The following MAL2 variants were observed in gnomAD, a reference collection of about 807,000 sequenced individuals.
The protein encoded by MAL2 is mal, T cell differentiation protein 2.
A neutral mutation model predicts 18.1 loss-of-function variants in MAL2; 17 were observed. The observed-to-expected ratio is 0.94, with a 90% CI of 0.64 to 1.41. The LOEUF (loss-of-function observed/expected upper bound fraction) is 1.41, where lower values mean the gene tolerates loss of function less well. MAL2 is among the 40% of genes most tolerant of loss of function. The pLI, the probability that MAL2 is intolerant of heterozygous loss-of-function variation, is 0.00. For synonymous variants in MAL2, 102 were observed against 102.3 expected, an observed-to-expected ratio of 1.00 and a Z score of 0.02; for missense variants, 222 against 231.9, an observed-to-expected ratio of 0.96 and a Z score of 0.28.
chr8:119,234,098 G>GC (rs1265150126), intron 2 of MAL2, among the ~76,000 whole-genome samples: 2 of 152,218 alleles, frequency 1.3e-5, no homozygotes, highest in African/African-American at 4.8e-5. Flanking sequence ...GCCAGTGGGT[G>GC]CGCGCACCGT....
rs543363323 is a variant in MAL2 at position 119,231,788 on chromosome 8, C to T, written c.304-8377C>T. On this transcript the variant is annotated intron_variant, in intron 2 of 3. Coordinates refer to ENST00000614891, the MANE Select transcript of MAL2 (RefSeq NM_052886.3). ...TCCTGTCATTTGCAATATAGATGAA[C>T]ATTGTGTTATGTGAAATAAGCCAGG... Among the ~76,000 whole-genome samples the T allele has an allele frequency of 8.5e-5, 13 of 152,204 alleles. No homozygotes were observed. In the South Asian group the frequency reaches 2.7e-3, roughly 32 times the overall value.
At chr8:119,234,389 C>T (rs1817825144) in intron 2 of MAL2, among the ~76,000 whole-genome samples, 1 of 152,188 alleles carries the variant, frequency 6.6e-6, no homozygotes, top group South Asian at 2.1e-4. Flanking sequence ...GGGAGGGGCG[C>T]CCGCCATTGC....
At chr8:119,221,843 C>T in intron 2 of MAL2, 86 bp downstream of exon 2, 7 of 1,401,086 alleles carry the variant, frequency 5.0e-6, no homozygotes, top group Non-Finnish European at 6.8e-6. Flanking sequence ...AGTCCCAGTT[C>T]TGTTGCCCCT....
At position 119,228,245 on chromosome 8, in the gene MAL2, G is replaced by A. The variant is rs183710280; in HGVS notation, c.303+6488G>A. On this transcript the variant is annotated intron_variant, in intron 2 of 3. Transcript: ENST00000614891. ...TGGACAAAAGAGTCCAAAGTGGCCAGAGAGTAGCCATAGCTTGTAGCTCAA... is the reference window on the plus strand; with the variant it reads ...TGGACAAAAGAGTCCAAAGTGGCCAAAGAGTAGCCATAGCTTGTAGCTCAA... Among the ~76,000 whole-genome samples, 391 of 152,238 alleles carry A rather than the reference G, an allele frequency of 2.6e-3. 6 individuals carry two copies. Among genetic ancestry groups the A allele is most frequent in the Non-Finnish European group, 1.8e-3 (121 of 68,012 alleles).
At chr8:119,226,787 C>T (rs1010084384) in intron 2 of MAL2, among the ~76,000 whole-genome samples, 1 of 152,198 alleles carries the variant, frequency 6.6e-6, no homozygotes, top group Admixed American at 6.5e-5. Flanking sequence ...AGGTTCCACC[C>T]TGACCTGCTA....
chr8:119,221,804 C>G (rs1247678729), intron 2 of MAL2, 47 bp downstream of exon 2: 29 of 1,587,318 alleles, frequency 1.8e-5, no homozygotes, highest in Non-Finnish European at 2.4e-5. Flanking sequence ...TGGGAGAAAC[C>G]TGTATCCTAT....
intron 3 of MAL2, among the ~76,000 whole-genome samples, chr8:119,241,960 T>C (rs1286943119): frequency 6.6e-6 from 1 of 152,182 alleles, no homozygotes; most frequent in Non-Finnish European, 1.5e-5. Flanking sequence ...CTGAGGATGA[T>C]AGAATCCTTG....
In MAL2 at chr8:119,233,716, G is replaced by A. The variant is rs1282905841; in HGVS notation, c.304-6449G>A. On this transcript the variant is annotated intron_variant, in intron 2 of 3. Coordinates refer to ENST00000614891, the MANE Select transcript of MAL2 (RefSeq NM_052886.3). The stretch of plus-strand genomic sequence containing the variant: ...ACCAACCAAAAAGAGTCCAGGACCA[G>A]ATGGATTCACAGCCGAATTCTACCA... Among the ~76,000 whole-genome samples, 5 of 152,096 alleles carry A rather than the reference G, an allele frequency of 3.3e-5. No individual in the cohort carries two copies. The South Asian group carries it at 8.3e-4, about 25-fold the overall frequency.
intron 2 of MAL2, among the ~76,000 whole-genome samples, chr8:119,226,409 CTTTT>C (rs908001364): frequency 1.4e-5 from 2 of 140,040 alleles, no homozygotes; most frequent in East Asian, 4.2e-4. Context: ...CTTTCCCCCC[CTTTT>C]TTTTTTTAAC....
chr8:119,242,958 T>A (rs1227571490), intron 3 of MAL2, among the ~76,000 whole-genome samples: 1 of 152,222 alleles, frequency 6.6e-6, no homozygotes, highest in Admixed American at 6.5e-5. Context: ...ATAATTCATT[T>A]CCACTTGTCT....
chr8:119,213,401 A>G (rs1366912005), intron 1 of MAL2, among the ~76,000 whole-genome samples: 3 of 152,226 alleles, frequency 2.0e-5, no homozygotes, highest in Non-Finnish European at 4.4e-5. Context: ...CTGTGAAGGG[A>G]CATTGCTTAT....
intron 1 of MAL2, among the ~76,000 whole-genome samples, chr8:119,216,380 T>G (rs1182099854): frequency 2.6e-5 from 4 of 152,188 alleles, no homozygotes. Context: ...ACTTATTAAC[T>G]ATATAACTAG....
At chr8:119,230,281 C>T (rs1271566197) in intron 2 of MAL2, among the ~76,000 whole-genome samples, 1 of 152,036 alleles carries the variant, frequency 6.6e-6, no homozygotes. Context: ...ATAGGATGAC[C>T]CAAGCATATG....
chr8:119,234,049 G>C (rs555380072), intron 2 of MAL2, among the ~76,000 whole-genome samples: 6 of 152,150 alleles, frequency 3.9e-5, no homozygotes, highest in African/African-American at 1.4e-4. Flanking sequence ...CTGAGGTACC[G>C]GGTTCATCTC....
intron 1 of MAL2, among the ~76,000 whole-genome samples, chr8:119,219,004 G>A (rs1407972528): frequency 2.0e-5 from 3 of 152,164 alleles, no homozygotes; most frequent in Non-Finnish European, 2.9e-5. Flanking sequence ...AGGAAAGATT[G>A]ATCCACTGAA....
chr8:119,234,324 G>A (rs1027450257), intron 2 of MAL2, among the ~76,000 whole-genome samples: 2 of 152,104 alleles, frequency 1.3e-5, no homozygotes, highest in African/African-American at 4.8e-5. Context: ...ACGGAATCTC[G>A]CTGATTACTA....
At position 119,226,376 on chromosome 8, in the gene MAL2, A is replaced by C. The variant is rs1035506238; in HGVS notation, c.303+4619A>C. On this transcript the variant is annotated intron_variant, in intron 2 of 3. Transcript: ENST00000614891. ...ACTTATGGCTAGCCAGTTTTCCCAG[A>C]ACCATTTATTCAATAGGGAATCCTT... Among the ~76,000 whole-genome samples the C allele has an allele frequency of 2.0e-5, 3 of 151,704 alleles. No homozygotes were observed. The South Asian group carries it at 6.2e-4, about 32-fold the overall frequency.
At chr8:119,238,140 T>C (rs200713627) in intron 2 of MAL2, among the ~76,000 whole-genome samples, 2 of 152,202 alleles carry the variant, frequency 1.3e-5, no homozygotes, top group African/African-American at 2.4e-5. Flanking sequence ...TATATACCAA[T>C]AACATACAAA....
At position 119,243,511 on chromosome 8, in the gene MAL2, G is replaced by T; in HGVS notation, c.*23G>T. 1 of 1,562,252 alleles carries T rather than the reference G, an allele frequency of 6.4e-7. No homozygotes were observed. The highest frequency in any genetic ancestry group is 8.7e-7 in the Non-Finnish European group (1 of 1,151,780). ...TAACACTCCTTAGAAACTGGCAGTC[G>T]TATGTTAGTTTCACTTGTCTACTTT... is the stretch of plus-strand genomic sequence containing the variant. On this transcript the variant is annotated 3_prime_UTR_variant, in exon 4 of 4. Transcript: ENST00000614891.
Sources: gnomAD v4.1 joint callset for allele counts (sites outside exome capture counted in the v4.1 genomes callset) on GRCh38, gnomAD v4.1.1 for gene constraint, MANE v1.5 for transcripts, NCBI Gene and HGNC (gene_info 2026-07-23, HGNC 2026-07-21) for gene names.